AQP7B: variants seen among roughly 807,000 people sequenced by gnomAD.
AQP7B encodes aquaporin 7B.
the AQP7B span, among the ~76,000 whole-genome samples, chr2:94,589,486 T>A: frequency 5.8e-3 from 884 of 152,046 alleles, 2 homozygotes; most frequent in Non-Finnish European, 8.7e-3. Context: ...TCACACCCCA[T>A]CTCCAGCCCC....
At chr2:94,590,292 C>G in the AQP7B span, among the ~76,000 whole-genome samples, 1 of 152,174 alleles carries the variant, frequency 6.6e-6, no homozygotes, top group Non-Finnish European at 1.5e-5. Context: ...AAGTGATTCT[C>G]ACGTCTCAGC....
chr2:94,598,399 G>A, the AQP7B span, among the ~76,000 whole-genome samples: 3 of 152,162 alleles, frequency 2.0e-5, no homozygotes, highest in Non-Finnish European at 2.9e-5. Context: ...GAGTTGGATG[G>A]GCTGGGCCAC....
chr2:94,601,350 C>A, the AQP7B span, among the ~76,000 whole-genome samples: 10 of 152,192 alleles, frequency 6.6e-5, no homozygotes, highest in East Asian at 1.5e-3. Context: ...AGATGGCAAA[C>A]CTTCAACAGA....
the AQP7B span, chr2:94,603,879 GC>G: frequency 7.3e-6 from 10 of 1,374,096 alleles, no homozygotes; most frequent in East Asian, 2.3e-5. Flanking sequence ...CCCGGGACCC[GC>G]CCCCCAGCAT....
chr2:94,594,629 C>T, the AQP7B span: 10 of 681,492 alleles, frequency 1.5e-5, no homozygotes, highest in East Asian at 2.8e-5. Flanking sequence ...CAAGAGGAGG[C>T]GTGTGTGGCG....
chr2:94,600,176 G>T, the AQP7B span, among the ~76,000 whole-genome samples: 3 of 152,196 alleles, frequency 2.0e-5, no homozygotes, highest in South Asian at 6.2e-4. Context: ...AGCCTGGTCT[G>T]CCTTCTTACC....
At chr2:94,603,992 G>A in the AQP7B span, 1 of 991,812 alleles carries the variant, frequency 1.0e-6, no homozygotes, top group South Asian at 1.5e-5. Flanking sequence ...GTGTTGAGGG[G>A]TGGGGGGTGA....
At chr2:94,591,835 T>A in the AQP7B span, among the ~76,000 whole-genome samples, 8 of 152,088 alleles carry the variant, frequency 5.3e-5, no homozygotes, top group African/African-American at 1.4e-4. Flanking sequence ...TCTGGGAGCC[T>A]CCTACCCCCT....
At chr2:94,595,303 C>T in the AQP7B span, among the ~76,000 whole-genome samples, 33 of 152,190 alleles carry the variant, frequency 2.2e-4, no homozygotes, top group South Asian at 6.2e-4. Context: ...GGCATGGTGG[C>T]GGACTCCTGT....
At chr2:94,596,311 G>A in the AQP7B span, among the ~76,000 whole-genome samples, 4 of 152,234 alleles carry the variant, frequency 2.6e-5, no homozygotes, top group African/African-American at 9.6e-5. Flanking sequence ...ACCCCAGTGA[G>A]CCTCTGCCCT....
At chr2:94,599,313 C>T in the AQP7B span, among the ~76,000 whole-genome samples, 1 of 152,118 alleles carries the variant, frequency 6.6e-6, no homozygotes, top group Admixed American at 6.5e-5. Flanking sequence ...GCCAGCCCAG[C>T]TCTGGGCTCC....
the AQP7B span, among the ~76,000 whole-genome samples, chr2:94,600,901 C>T: frequency 6.7e-6 from 1 of 148,412 alleles, no homozygotes. Context: ...AAAAAATTGG[C>T]TGCGTGCCGA....
At chr2:94,594,125 TTCAC>T in the AQP7B span, among the ~76,000 whole-genome samples, 1 of 152,230 alleles carries the variant, frequency 6.6e-6, no homozygotes, top group African/African-American at 2.4e-5. Flanking sequence ...CATTCATTCA[TTCAC>T]TCACTCTCTC....
chr2:94,601,126 G>A, the AQP7B span, among the ~76,000 whole-genome samples: 2 of 152,180 alleles, frequency 1.3e-5, no homozygotes, highest in African/African-American at 4.8e-5. Context: ...TTTGGTTTGA[G>A]GCCATCTGGC....
At chr2:94,590,312 AG>A in the AQP7B span, among the ~76,000 whole-genome samples, 1 of 151,516 alleles carries the variant, frequency 6.6e-6, no homozygotes, top group Non-Finnish European at 1.5e-5. Flanking sequence ...CCCCCACCCC[AG>A]CTGGGATTAC....
chr2:94,594,404 T>G, the AQP7B span, among the ~76,000 whole-genome samples: 2 of 152,184 alleles, frequency 1.3e-5, no homozygotes, highest in Non-Finnish European at 2.9e-5. Context: ...CAGCCTGCTC[T>G]CTCCCACCCT....
the AQP7B span, among the ~76,000 whole-genome samples, chr2:94,595,709 T>A: frequency 6.6e-6 from 1 of 151,890 alleles, no homozygotes; most frequent in Non-Finnish European, 1.5e-5. Context: ...AGAAAGCACA[T>A]GTTTGAGAGG....
chr2:94,592,494 G>C, the AQP7B span, among the ~76,000 whole-genome samples: 2 of 152,098 alleles, frequency 1.3e-5, no homozygotes, highest in African/African-American at 2.4e-5. Flanking sequence ...CTCCCATGCA[G>C]CATCGTATAG....
At chr2:94,602,695 C>G in the AQP7B span, 1 of 1,408,152 alleles carries the variant, frequency 7.1e-7, no homozygotes, top group Non-Finnish European at 9.8e-7. Flanking sequence ...TCAGCCAGCT[C>G]CTTTCCCAGC....
Sources: allele counts gnomAD v4.1 joint callset (sites outside exome capture counted in the v4.1 genomes callset), GRCh38; gene constraint gnomAD v4.1.1; transcripts MANE v1.5; gene names NCBI Gene and HGNC (gene_info 2026-07-23, HGNC 2026-07-21).